The following PKD2 variants were observed in gnomAD, a reference collection of about 807,000 sequenced individuals.
The protein encoded by PKD2 is polycystin-2.
In PKD2, 48 loss-of-function variants were observed where a neutral mutation model predicts 105.9. The observed-to-expected ratio is 0.45, with a 90% CI of 0.36 to 0.58. The LOEUF (loss-of-function observed/expected upper bound fraction) is 0.58, where lower values mean the gene tolerates loss of function less well. Ranked by LOEUF, PKD2 falls within the 20% of genes least tolerant of loss-of-function variation. The pLI is 0.00. For missense variants in PKD2, 1,078 were observed against 1,255.3 expected, an observed-to-expected ratio of 0.86 and a Z score of 2.13; for synonymous variants, 464 against 481.1, an observed-to-expected ratio of 0.96 and a Z score of 0.46.
rs1055421813 is a variant in PKD2 at position 88,077,758 on chromosome 4, A to G, written c.*2064A>G. The G allele has an allele frequency of 6.6e-6, 1 of 152,228 alleles. No individual in the cohort carries two copies. Among genetic ancestry groups the G allele is most frequent in the Non-Finnish European group, 1.5e-5 (1 of 68,042 alleles). 9.4% of individuals were successfully genotyped at this position (152,228 alleles called of 1,614,324 possible). ...AATACTGAGCACTTTACTTCTTAAT[A>G]AAAACTTGATATAGTAGCAGATGTG... On this transcript the variant is annotated 3_prime_UTR_variant, in exon 15 of 15. Coordinates refer to ENST00000237596, the MANE Select transcript of PKD2 (RefSeq NM_000297.4).
At chr4:88,068,491 T>C (rs916249736) in intron 13 of PKD2, among the ~76,000 whole-genome samples, 2 of 151,646 alleles carry the variant, frequency 1.3e-5, no homozygotes, top group East Asian at 1.9e-4. Flanking sequence ...AACTTGTCAA[T>C]TGGTGTTTTG....
intron 7 of PKD2, among the ~76,000 whole-genome samples, chr4:88,054,685 T>C (rs1429126398): frequency 8.2e-5 from 12 of 146,226 alleles, no homozygotes; most frequent in Non-Finnish European, 1.4e-4. Flanking sequence ...GACGGAGTCT[T>C]GCTCTGTCGC....
chr4:88,075,501 T>C lies in PKD2; in HGVS notation c.2714T>C (p.Met905Thr), dbSNP rs373039260. The change falls in exon 15 of 15, where the codon ATG becomes ACG. Residue 905 changes from methionine to threonine, a missense_variant. By Grantham distance (81) the Met-to-Thr change is moderately conservative (BLOSUM62 -1). Transcript: ENST00000237596. ...GRDSEIHREQ[M>T]ERLVREELER... ...GACAGTGAAATCCATAGGGAACAGA[T>C]GGAACGGCTAGTACGTGAAGAGTTG... 2.5e-6 allele frequency: 4 copies of C among 1,614,046 alleles called. No homozygotes were observed. Among genetic ancestry groups the C allele is most frequent in the African/African-American group, 1.3e-5 (1 of 74,930 alleles).
chr4:88,011,395 A>T (rs2110082850), intron 1 of PKD2, among the ~76,000 whole-genome samples: 1 of 151,918 alleles, frequency 6.6e-6, no homozygotes, highest in Admixed American at 6.5e-5. Context: ...TAAGCTGCTA[A>T]AACAGATACC....
intron 10 of PKD2, 132 bp downstream of exon 10, chr4:88,062,136 A>G (rs1720599073): frequency 3.2e-6 from 2 of 621,946 alleles, no homozygotes; most frequent in South Asian, 3.9e-5. Context: ...ATATTTCAGG[A>G]ATAATTTAAA....
intron 5 of PKD2, 36 bp from the exon 6 acceptor site, chr4:88,046,606 G>T: frequency 8.5e-7 from 1 of 1,182,584 alleles, no homozygotes; most frequent in African/African-American, 1.5e-5. Context: ...ATGTGTTGTT[G>T]TTGTTATTGT....
intron 9 of PKD2, among the ~76,000 whole-genome samples, chr4:88,059,075 A>T (rs1405884599): frequency 2.0e-5 from 3 of 152,170 alleles, no homozygotes; most frequent in Non-Finnish European, 4.4e-5. Flanking sequence ...TCCAGGTATT[A>T]CTGGTTAAGT....
In PKD2 at chr4:88,036,289, C is replaced by A. The variant is rs756254812; in HGVS notation, c.779C>A (p.Thr260Asn). The A allele has an allele frequency of 5.0e-6, 8 of 1,613,784 alleles. 1 individual carries two copies. The highest frequency in any genetic ancestry group is 4.4e-5 in the South Asian group (4 of 91,076). The change falls in exon 3 of 15, where the codon ACC becomes AAC. Residue 260 changes from threonine to asparagine, a missense_variant. Thr to Asn is a moderately conservative substitution (Grantham distance 65). Transcript: ENST00000237596. ...TRMMSQLFLD[T>N]PVSKTEKTNF... ...ATGATGTCACAGCTCTTCCTAGACA[C>A]CCCCGTGTCCAAAACGGAGAAAACT...
At chr4:88,029,610 G>A (rs1036102016) in intron 2 of PKD2, among the ~76,000 whole-genome samples, 9 of 151,630 alleles carry the variant, frequency 5.9e-5, no homozygotes, top group African/African-American at 2.2e-4. Flanking sequence ...TATCGCTCTT[G>A]TCCCTATTTT....
intron 2 of PKD2, among the ~76,000 whole-genome samples, chr4:88,024,088 A>G (rs551907857): frequency 6.6e-6 from 1 of 152,328 alleles, no homozygotes; most frequent in South Asian, 2.1e-4. Context: ...TTACTGTTAT[A>G]AATAGCAATA....
intron 2 of PKD2, among the ~76,000 whole-genome samples, chr4:88,028,349 G>A (rs754141592): frequency 6.6e-6 from 1 of 152,184 alleles, no homozygotes; most frequent in African/African-American, 2.4e-5. Context: ...GCAGCTGCAG[G>A]CTAATTCCAT....
At chr4:88,009,615 ATG>A (rs1726317945) in intron 1 of PKD2, among the ~76,000 whole-genome samples, 1 of 152,238 alleles carries the variant, frequency 6.6e-6, no homozygotes, top group African/African-American at 2.4e-5. Flanking sequence ...AGAAATATAA[ATG>A]TAAACATTTT....
At chr4:88,035,852 C>T (rs1488469892) in intron 2 of PKD2, among the ~76,000 whole-genome samples, 1 of 152,070 alleles carries the variant, frequency 6.6e-6, no homozygotes, top group Admixed American at 6.5e-5. Flanking sequence ...TGTGTTGGGG[C>T]CTGTGCAGAT....
chr4:88,069,293 T>A (rs991964079), intron 13 of PKD2, among the ~76,000 whole-genome samples: 6 of 152,166 alleles, frequency 3.9e-5, no homozygotes, highest in African/African-American at 1.4e-4. Flanking sequence ...TCATTTAATG[T>A]TATCATTGAT....
Position 88,054,239 on chromosome 4 carries a change from C to CA in PKD2, c.1717-1835dup, listed in dbSNP as rs199808914. On this transcript the variant is annotated intron_variant, in intron 7 of 14. Transcript: ENST00000237596. ...TGAAACCCTGTCCCTACTAAAAATA[C>CA]AAAAAAAAAAAATTAGCTGGGTGTG... Among the ~76,000 whole-genome samples, 252 of 139,398 alleles carry CA rather than the reference C, an allele frequency of 1.8e-3. 1 individual carries two copies. Among genetic ancestry groups the CA allele is most frequent in the East Asian group, 0.017 (82 of 4,848 alleles). The allele number at this position is 139,398 out of a possible 152,430, so 91.5% of individuals were successfully genotyped here.
At chr4:88,056,027 T>C (rs1162202822) in intron 7 of PKD2, 59 bp from the exon 8 acceptor site, 2 of 1,045,144 alleles carry the variant, frequency 1.9e-6, no homozygotes, top group Non-Finnish European at 3.0e-6. Context: ...TGTTTTATTA[T>C]ATACAGTCAC....
rs1223785807 is a variant in PKD2, at chr4:88,070,601, T to TAGAG, written c.2522+2564_2522+2567dup. ...ATATATATATATATATATATATATA[T>TAGAG]AGAGAGAGAGAGAGAGAGAGAGAGA... On this transcript the variant is annotated intron_variant, in intron 13 of 14. Coordinates refer to ENST00000237596, the MANE Select transcript of PKD2 (RefSeq NM_000297.4). Among the ~76,000 whole-genome samples the TAGAG allele has an allele frequency of 9.8e-3, 894 of 91,434 alleles. 11 individuals carry two copies. Among genetic ancestry groups the TAGAG allele is most frequent in the Non-Finnish European group, 0.013 (602 of 47,746 alleles). The allele number at this position is 91,434 out of a possible 152,430, so 60.0% of individuals were successfully genotyped here. A position where few individuals can be genotyped will look rare whatever the true frequency, so the allele number is the denominator to read the frequency against.
intron 13 of PKD2, 60 bp downstream of exon 13, chr4:88,068,121 T>TCTCA: frequency 7.8e-7 from 1 of 1,280,036 alleles, no homozygotes; most frequent in Non-Finnish European, 1.1e-6. Context: ...GACCAGGCAG[T>TCTCA]TCCCTCATCT....
chr4:88,017,770 C>T lies in PKD2; in HGVS notation c.596-1688C>T, dbSNP rs139568974. On this transcript the variant is annotated intron_variant, in intron 1 of 14. Coordinates refer to ENST00000237596, the MANE Select transcript of PKD2 (RefSeq NM_000297.4). Reference sequence around the variant, plus strand: ...TCTATTTATAGGCCAAGCAATACCACGTATAAATATTAAGAATCATGGCTG... The same window carrying T: ...TCTATTTATAGGCCAAGCAATACCATGTATAAATATTAAGAATCATGGCTG... 4.6e-3 allele frequency among the ~76,000 whole-genome samples: 693 copies of T among 152,224 alleles called. 2 individuals carry two copies. Among genetic ancestry groups the T allele is most frequent in the African/African-American group, 0.015 (640 of 41,526 alleles).
Sources: gnomAD v4.1 joint callset for allele counts (sites outside exome capture counted in the v4.1 genomes callset) on GRCh38, gnomAD v4.1.1 for gene constraint, MANE v1.5 for transcripts, NCBI Gene and HGNC (gene_info 2026-07-23, HGNC 2026-07-21) for gene names.